TANC2: variants seen among roughly 807,000 people sequenced by gnomAD.
The protein encoded by TANC2 is protein TANC2.
Under a neutral mutation model 210.5 loss-of-function variants are expected in TANC2, and 26 were observed. The observed-to-expected ratio is 0.12, with a 90% CI of 0.09 to 0.17. The LOEUF is 0.17. Ranked by LOEUF, TANC2 falls within the 10% of genes least tolerant of loss-of-function variation. TANC2 has a pLI of 1.00. For synonymous variants in TANC2, 931 were observed against 967.1 expected (o/e 0.96, Z 0.69); for missense variants, 2,129 against 2,608.9 (o/e 0.82, Z 4.01).
chr17:63,085,129 A>G (rs73341729), intron 3 of TANC2, among the ~76,000 whole-genome samples: 3,739 of 152,050 alleles, frequency 0.025, 170 homozygotes, highest in African/African-American at 0.085. Flanking sequence ...AGTTCTATCC[A>G]TTTTTGCCTC....
At chr17:63,111,043 TGG>T (rs970348521) in intron 4 of TANC2, among the ~76,000 whole-genome samples, 48 of 152,218 alleles carry the variant, frequency 3.2e-4, no homozygotes, top group Non-Finnish European at 2.8e-4. Flanking sequence ...CCGGGAATGG[TGG>T]CTCACACCTG....
chr17:63,057,013 C>G (rs372598762), intron 2 of TANC2, among the ~76,000 whole-genome samples: 3 of 151,382 alleles, frequency 2.0e-5, no homozygotes, highest in East Asian at 1.9e-4. Flanking sequence ...GAGACAAGGT[C>G]TCACTGTGCT....
chr17:63,254,584 C>G lies in TANC2; in HGVS notation c.1034-13164C>G, dbSNP rs1218399973. Among the ~76,000 whole-genome samples the G allele has an allele frequency of 2.0e-5, 3 of 152,006 alleles. No individual in the cohort carries two copies. In the South Asian group the frequency reaches 6.2e-4, roughly 32 times the overall value. The stretch of plus-strand genomic sequence containing the variant: ...TGGAGGAAAGGCTTTTAGTTTTTCC[C>G]CATTCAGTATGATACTAGCTATGAG... On this transcript the variant is annotated intron_variant, in intron 8 of 27. Coordinates refer to ENST00000689528, the Ensembl canonical transcript of TANC2.
intron 2 of TANC2, among the ~76,000 whole-genome samples, chr17:63,063,615 T>TTGTG (rs142351130): frequency 4.9e-5 from 7 of 144,154 alleles, no homozygotes; most frequent in African/African-American, 1.3e-4. Context: ...TTACCCAGTA[T>TTGTG]TGTGTGTGTG....
intron 4 of TANC2, among the ~76,000 whole-genome samples, chr17:63,111,870 C>T (rs1342873685): frequency 7.2e-5 from 11 of 151,998 alleles, no homozygotes; most frequent in Admixed American, 2.6e-4. Flanking sequence ...GGATTACAGG[C>T]GTGCACCACC....
At chr17:62,977,351 A>G (rs916447387) in intron 1 of TANC2, among the ~76,000 whole-genome samples, 4 of 152,180 alleles carry the variant, frequency 2.6e-5, no homozygotes, top group South Asian at 2.1e-4. Flanking sequence ...TTATAAACTG[A>G]TAAGTTTGTG....
chr17:63,411,045 C>G (rs769846769), intron 21 of TANC2, among the ~76,000 whole-genome samples: 4 of 151,758 alleles, frequency 2.6e-5, no homozygotes, highest in Non-Finnish European at 5.9e-5. Context: ...GAGATAGTTC[C>G]TAGAGAATGA....
Position 63,135,640 on chromosome 17 carries a change from CTT to C in TANC2, c.323-15629_323-15628del, listed in dbSNP as rs577615236. Among the ~76,000 whole-genome samples, 268 of 152,110 alleles carry C rather than the reference CTT, an allele frequency of 1.8e-3. 1 individual carries two copies. Among genetic ancestry groups the C allele is most frequent in the Non-Finnish European group, 2.5e-3 (170 of 67,970 alleles). On this transcript the variant is annotated intron_variant, in intron 4 of 27. Coordinates refer to ENST00000689528, the Ensembl canonical transcript of TANC2. ...GTAAATTTTATTTACACCATTTTCT[CTT>C]ATATATTTTATTTTTCCTATGATGA...
chr17:63,218,356 C>T (rs2042078665), intron 7 of TANC2, among the ~76,000 whole-genome samples: 1 of 152,082 alleles, frequency 6.6e-6, no homozygotes, highest in East Asian at 1.9e-4. Flanking sequence ...GAAAAACCTA[C>T]ATCTAATTCA....
At chr17:63,259,619 C>G (rs939954778) in intron 8 of TANC2, among the ~76,000 whole-genome samples, 1 of 152,112 alleles carries the variant, frequency 6.6e-6, no homozygotes, top group East Asian at 1.9e-4. Flanking sequence ...AAAATACATT[C>G]TCTTTTAATT....
chr17:63,358,379 ATGTGTGTGTGTGTG>A (rs375498280), intron 14 of TANC2, among the ~76,000 whole-genome samples: 2 of 139,540 alleles, frequency 1.4e-5, no homozygotes, highest in Admixed American at 7.1e-5. Flanking sequence ...GAGAGAGAGT[ATGTGTGTGTGTGTG>A]TGTGTGTGTG....
At chr17:63,229,228 G>T (rs965996716) in intron 7 of TANC2, among the ~76,000 whole-genome samples, 3 of 152,254 alleles carry the variant, frequency 2.0e-5, no homozygotes, top group Non-Finnish European at 4.4e-5. Context: ...GATGAATTAC[G>T]TTTATGGATT....
chr17:63,313,392 A>G (rs1275397655), intron 9 of TANC2: 1 of 152,188 alleles, frequency 6.6e-6, no homozygotes, highest in Non-Finnish European at 1.5e-5. Flanking sequence ...GATATGGACC[A>G]TCAGGCAGGA....
chr17:63,387,157 A>G (rs2047809880), intron 15 of TANC2, among the ~76,000 whole-genome samples: 1 of 152,196 alleles, frequency 6.6e-6, no homozygotes, highest in South Asian at 2.1e-4. Flanking sequence ...GCTGAAAATA[A>G]AATTTTTAAT....
rs563868535 is a variant in TANC2, at chr17:62,999,706, G to A, written c.-23-9831G>A. Among the ~76,000 whole-genome samples, 10 of 151,960 alleles carry A rather than the reference G, an allele frequency of 6.6e-5. 1 individual carries two copies. In the South Asian group the frequency reaches 2.1e-3, roughly 32 times the overall value. ...CTAAGATAATTCTTCTTCCACTGTGGCCCGGGAAAGCCAAAAGATTGGACA... is the reference window on the plus strand; with the variant it reads ...CTAAGATAATTCTTCTTCCACTGTGACCCGGGAAAGCCAAAAGATTGGACA... On this transcript the variant is annotated intron_variant, in intron 1 of 27. Coordinates refer to ENST00000689528, the Ensembl canonical transcript of TANC2.
At position 63,309,185 on chromosome 17, in the gene TANC2, ATGTG is replaced by A. The variant is rs575495254; in HGVS notation, c.1160-5201_1160-5198del. ...AAAATGTGAGTGTGTGTATGTATGT[ATGTG>A]TTAGTGTGTGTGTGTTTGCACTTTT... is the stretch of plus-strand genomic sequence containing the variant. On this transcript the variant is annotated intron_variant, in intron 9 of 27. Coordinates refer to ENST00000689528, the Ensembl canonical transcript of TANC2. Among the ~76,000 whole-genome samples, 430 of 152,162 alleles carry A rather than the reference ATGTG, an allele frequency of 2.8e-3. 1 individual carries two copies. Among genetic ancestry groups the A allele is most frequent in the African/African-American group, 0.01 (416 of 41,526 alleles).
At chr17:63,145,063 T>C (rs367797452) in intron 4 of TANC2, among the ~76,000 whole-genome samples, 14 of 152,228 alleles carry the variant, frequency 9.2e-5, no homozygotes, top group African/African-American at 3.4e-4. Flanking sequence ...TTTTATTTAT[T>C]GTTCTTGATC....
At chr17:63,161,874 C>G (rs1201102475) in intron 5 of TANC2, among the ~76,000 whole-genome samples, 1 of 152,184 alleles carries the variant, frequency 6.6e-6, no homozygotes, top group East Asian at 1.9e-4. Flanking sequence ...TAGCCCTACC[C>G]TGTTCCCTTG....
intron 3 of TANC2, among the ~76,000 whole-genome samples, chr17:63,074,282 T>C (rs1364806593): frequency 6.6e-6 from 1 of 152,148 alleles, no homozygotes; most frequent in Admixed American, 6.5e-5. Flanking sequence ...GATATCACTT[T>C]TGGAATGGAT....
Sources: allele counts gnomAD v4.1 joint callset (sites outside exome capture counted in the v4.1 genomes callset), GRCh38; gene constraint gnomAD v4.1.1; transcripts MANE v1.5; gene names NCBI Gene and HGNC (gene_info 2026-07-23, HGNC 2026-07-21).